The following CCDC60 variants were observed in gnomAD, a reference collection of about 807,000 sequenced individuals.
The protein encoded by CCDC60 is coiled-coil domain-containing protein 60.
CCDC60 carries 54 observed loss-of-function variants against 63.5 expected under a neutral mutation model. The ratio of observed to expected loss-of-function variants is 0.85; its 90% CI spans 0.68 to 1.07. CCDC60 has a LOEUF of 1.07. CCDC60 is among the 50% of genes least tolerant of loss of function. The probability of loss-of-function intolerance (pLI) is 0.00; values close to 1 mark genes in which losing one functional copy is unlikely to be tolerated. For synonymous variants in CCDC60, 206 were observed against 238.8 expected (o/e 0.86, Z 1.27); for missense variants, 651 against 684.3 (o/e 0.95, Z 0.54).
At chr12:119,461,371 C>T (rs1398330731) in intron 2 of CCDC60, among the ~76,000 whole-genome samples, 1 of 152,124 alleles carries the variant, frequency 6.6e-6, no homozygotes, top group Admixed American at 6.6e-5. Flanking sequence ...CAGCCAGAGG[C>T]AATCCCCTCT....
intron 2 of CCDC60, among the ~76,000 whole-genome samples, 199 bp from the exon 3 acceptor site, chr12:119,471,793 CCT>C (rs375727887): frequency 2.3e-4 from 34 of 149,468 alleles, no homozygotes; most frequent in Admixed American, 3.3e-4. Flanking sequence ...CTCCTCCCTC[CCT>C]CTCTCTCTCT....
chr12:119,524,711 C>CTTTTTTTTTTTTTTTTTT (rs1593216666), intron 11 of CCDC60, among the ~76,000 whole-genome samples: 1 of 78,564 alleles, frequency 1.3e-5, no homozygotes, highest in Non-Finnish European at 2.4e-5. Flanking sequence ...AGTTTCTTTT[C>CTTTTTTTTTTTTTTTTTT]TTTTCTTTTC....
At chr12:119,470,746 C>G (rs1477449040) in intron 2 of CCDC60, among the ~76,000 whole-genome samples, 2 of 152,094 alleles carry the variant, frequency 1.3e-5, no homozygotes, top group Non-Finnish European at 2.9e-5. Context: ...TCTTCAGCCT[C>G]CCCCTAGTCT....
At chr12:119,462,509 A>G (rs1438321224) in intron 2 of CCDC60, among the ~76,000 whole-genome samples, 1 of 152,208 alleles carries the variant, frequency 6.6e-6, no homozygotes, top group Non-Finnish European at 1.5e-5. Flanking sequence ...TCACTTTAAA[A>G]AAAATTTTCT....
intron 7 of CCDC60, among the ~76,000 whole-genome samples, chr12:119,509,497 C>T (rs1488804299): frequency 6.6e-6 from 1 of 152,134 alleles, no homozygotes; most frequent in Non-Finnish European, 1.5e-5. Flanking sequence ...TGAATGACAA[C>T]AATCAACTGG....
At chr12:119,403,748 A>G (rs11064777) in intron 1 of CCDC60, among the ~76,000 whole-genome samples, 1,608 of 152,074 alleles carry the variant, frequency 0.011, 24 homozygotes, top group African/African-American at 0.037. Context: ...CACCTTCACT[A>G]TCAAGTTCTC....
chr12:119,474,601 A>T (rs1951136446), intron 3 of CCDC60, among the ~76,000 whole-genome samples: 1 of 152,192 alleles, frequency 6.6e-6, no homozygotes, highest in Non-Finnish European at 1.5e-5. Context: ...AGTGATGAAA[A>T]TGTTTTGTAC....
Position 119,479,344 on chromosome 12 carries a change from T to A in CCDC60, c.449+143T>A. 3 of 610,706 alleles carry A rather than the reference T, an allele frequency of 4.9e-6. No individual in the cohort carries two copies. In the South Asian group the frequency reaches 6.0e-5, roughly 12 times the overall value. 37.8% of individuals were successfully genotyped at this position (610,706 alleles called of 1,614,324 possible). Reference sequence around the variant, plus strand: ...TGGAGCCTGGAGCTGGCAAAGCTATTTGGCATATAAAAATAACAGAAAGTA... The same window carrying A: ...TGGAGCCTGGAGCTGGCAAAGCTATATGGCATATAAAAATAACAGAAAGTA... On this transcript the variant is annotated intron_variant, in intron 4 of 13. Coordinates refer to ENST00000327554, the MANE Select transcript of CCDC60 (RefSeq NM_178499.5).
At chr12:119,469,345 A>T (rs115846201) in intron 2 of CCDC60, among the ~76,000 whole-genome samples, 2,033 of 151,630 alleles carry the variant, frequency 0.013, 38 homozygotes, top group African/African-American at 0.046. Flanking sequence ...CTCCTTGCAA[A>T]CTCCGCCTCC....
intron 2 of CCDC60, among the ~76,000 whole-genome samples, chr12:119,466,209 C>T (rs576674997): frequency 1.3e-5 from 2 of 152,300 alleles, no homozygotes; most frequent in South Asian, 2.1e-4. Flanking sequence ...CCTGGCATCT[C>T]GTCCCACTTG....
At chr12:119,362,924 C>A (rs1193052288) in intron 1 of CCDC60, among the ~76,000 whole-genome samples, 1 of 152,156 alleles carries the variant, frequency 6.6e-6, no homozygotes, top group Non-Finnish European at 1.5e-5. Context: ...CATGGCAAAA[C>A]CCCATCTCTA....
intron 1 of CCDC60, among the ~76,000 whole-genome samples, chr12:119,414,184 ACTT>A (rs1303207450): frequency 6.6e-6 from 1 of 151,938 alleles, no homozygotes; most frequent in African/African-American, 2.4e-5. Flanking sequence ...ACACCCAGCT[ACTT>A]CTTTTCTTTG....
intron 12 of CCDC60, among the ~76,000 whole-genome samples, chr12:119,529,530 T>A (rs1952780661): frequency 6.6e-6 from 1 of 152,150 alleles, no homozygotes; most frequent in Non-Finnish European, 1.5e-5. Context: ...AAGAGTAAGA[T>A]GAGAAAGTAA....
intron 2 of CCDC60, among the ~76,000 whole-genome samples, chr12:119,452,821 T>TTTTG (rs1555244720): frequency 3.3e-5 from 5 of 151,984 alleles, no homozygotes; most frequent in Admixed American, 2.6e-4. Flanking sequence ...CTTGTTTTTT[T>TTTTG]TTTGTTTGTT....
intron 1 of CCDC60, among the ~76,000 whole-genome samples, chr12:119,398,116 A>AG (rs1956313959): frequency 3.7e-5 from 1 of 27,292 alleles, no homozygotes; most frequent in East Asian, 1.3e-3. Flanking sequence ...GGGGGGAGGA[A>AG]GGGGTGGCAG....
intron 1 of CCDC60, among the ~76,000 whole-genome samples, chr12:119,382,754 G>C (rs945259809): frequency 5.3e-5 from 8 of 152,150 alleles, no homozygotes; most frequent in African/African-American, 1.9e-4. Context: ...AACTGTGAGG[G>C]GAGGCCATGG....
intron 1 of CCDC60, among the ~76,000 whole-genome samples, chr12:119,390,919 C>T (rs1437497043): frequency 6.6e-6 from 1 of 152,256 alleles, no homozygotes; most frequent in East Asian, 1.9e-4. Context: ...CCAGGCGGGG[C>T]AGCCATGCCA....
At chr12:119,419,863 ATAAT>A (rs1417720396) in intron 1 of CCDC60, among the ~76,000 whole-genome samples, 1 of 140,758 alleles carries the variant, frequency 7.1e-6, no homozygotes, top group African/African-American at 2.7e-5. Context: ...GAGATGTTAA[ATAAT>A]TCTTTTTTTT....
intron 2 of CCDC60, among the ~76,000 whole-genome samples, chr12:119,430,402 C>T (rs1593075768): frequency 6.6e-6 from 1 of 151,978 alleles, no homozygotes; most frequent in Non-Finnish European, 1.5e-5. Flanking sequence ...TGTGGTGGCT[C>T]AAGCCTGTAA....
Sources: gnomAD v4.1 joint callset for allele counts (sites outside exome capture counted in the v4.1 genomes callset) on GRCh38, gnomAD v4.1.1 for gene constraint, MANE v1.5 for transcripts, NCBI Gene and HGNC (gene_info 2026-07-23, HGNC 2026-07-21) for gene names.